Variants in PPP4R1 observed in about 807,000 individuals in gnomAD.
PPP4R1 encodes serine/threonine-protein phosphatase 4 regulatory subunit 1.
In PPP4R1, 42 loss-of-function variants were observed where a neutral mutation model predicts 111.2. The observed-to-expected ratio is 0.38, with a 90% CI of 0.29 to 0.49. The LOEUF (loss-of-function observed/expected upper bound fraction) is 0.49, where lower values mean the gene tolerates loss of function less well. Among genes scored for constraint, PPP4R1 ranks in the 20% least tolerant of loss-of-function variants. The pLI, the probability that PPP4R1 is intolerant of heterozygous loss-of-function variation, is 0.97. For synonymous variants in PPP4R1, 409 were observed against 405.5 expected (o/e 1.01, Z -0.10); for missense variants, 1,012 against 1,161.6 (o/e 0.87, Z 1.87).
Position 9,547,725 on chromosome 18 carries a change from G to A in PPP4R1, c.*64C>T, listed in dbSNP as rs2066421630. ...CCGAAAGCTATCCCAGGTCACATGC[G>A]TGGCGAATGCCCACTGAACCTCGGC... On this transcript the variant is annotated 3_prime_UTR_variant, in exon 20 of 20. Transcript: ENST00000400556. 8.2e-6 allele frequency: 13 copies of A among 1,577,170 alleles called. No individual in the cohort carries two copies. The highest frequency in any genetic ancestry group is 5.6e-5 in the South Asian group (5 of 89,568).
intron 10 of PPP4R1, among the ~76,000 whole-genome samples, chr18:9,575,507 A>G (rs2066922621): frequency 6.6e-6 from 1 of 152,244 alleles, no homozygotes; most frequent in African/African-American, 2.4e-5. Context: ...TTCCCCTACC[A>G]TATCATTAAC....
intron 6 of PPP4R1, among the ~76,000 whole-genome samples, chr18:9,585,239 A>G (rs1382743043): frequency 1.3e-5 from 2 of 152,170 alleles, no homozygotes; most frequent in Non-Finnish European, 2.9e-5. Context: ...TATCCCCAGG[A>G]AAGATCTAGA....
chr18:9,615,872 G>A (rs997642101), upstream of PPP4R1, among the ~76,000 whole-genome samples: 3 of 152,192 alleles, frequency 2.0e-5, no homozygotes, highest in South Asian at 2.1e-4. Context: ...TCCTAAATCT[G>A]TGTAATAAAA....
chr18:9,570,932 G>A (rs1381854525), intron 10 of PPP4R1, among the ~76,000 whole-genome samples: 1 of 151,848 alleles, frequency 6.6e-6, no homozygotes, highest in African/African-American at 2.4e-5. Context: ...AGTTAGAGAA[G>A]GTAACATTTA....
chr18:9,609,207 C>T (rs2067536028), intron 2 of PPP4R1, among the ~76,000 whole-genome samples: 1 of 152,172 alleles, frequency 6.6e-6, no homozygotes, highest in Non-Finnish European at 1.5e-5. Context: ...ATCTCTCCAT[C>T]CAGGCTTGTT....
intron 2 of PPP4R1, among the ~76,000 whole-genome samples, chr18:9,612,946 C>T (rs908338839): frequency 1.3e-5 from 2 of 152,054 alleles, no homozygotes; most frequent in Non-Finnish European, 2.9e-5. Flanking sequence ...ATAGTAAATC[C>T]CCCTTACTTT....
intron 2 of PPP4R1, among the ~76,000 whole-genome samples, chr18:9,600,467 T>A (rs2067363138): frequency 6.6e-6 from 1 of 152,104 alleles, no homozygotes; most frequent in Admixed American, 6.6e-5. Context: ...GCAAAGATTA[T>A]CAGACTATCA....
At chr18:9,588,325 C>A in intron 5 of PPP4R1, 90 bp from the exon 6 acceptor site, 1 of 1,367,808 alleles carries the variant, frequency 7.3e-7, no homozygotes, top group South Asian at 1.4e-5. Flanking sequence ...TTTCTCATCT[C>A]AAAGGGACCC....
chr18:9,595,233 C>T, intron 2 of PPP4R1, 80 bp from the exon 3 acceptor site: 3 of 1,425,414 alleles, frequency 2.1e-6, no homozygotes, highest in Non-Finnish European at 2.8e-6. Flanking sequence ...CAGTACAAAT[C>T]TGTTTCTGGA....
At chr18:9,555,903 A>G (rs201957757) in intron 15 of PPP4R1, among the ~76,000 whole-genome samples, 65 of 152,084 alleles carry the variant, frequency 4.3e-4, no homozygotes, top group Middle Eastern at 3.4e-3. Flanking sequence ...TTGGGAGGCC[A>G]AGGTGGGCGG....
intron 2 of PPP4R1, among the ~76,000 whole-genome samples, chr18:9,606,177 C>A (rs7240960): frequency 2.0e-5 from 3 of 151,992 alleles, no homozygotes; most frequent in Non-Finnish European, 4.4e-5. Flanking sequence ...ACATTAAGCA[C>A]TGATGAGATG....
At position 9,614,201 on chromosome 18, in the gene PPP4R1, GC is replaced by G; in HGVS notation, c.52+24del. On this transcript the variant is annotated intron_variant, in intron 2 of 19. Coordinates refer to ENST00000400556, the MANE Select transcript of PPP4R1 (RefSeq NM_001042388.3). This position sits in a 1 kb window ranked among gnomAD's most constrained non-coding sequence, Gnocchi z 4.1. ...CCGGCCGCTCCCCGCGGACTGCCAG[GC>G]CACCGCGAGGCCGGGCCACTCACAT... 1 of 1,349,336 alleles carries G rather than the reference GC, an allele frequency of 7.4e-7. No individual in the cohort carries two copies. Among genetic ancestry groups the G allele is most frequent in the South Asian group, 1.7e-5 (1 of 59,052 alleles). The allele number at this position is 1,349,336 out of a possible 1,614,324, so 83.6% of individuals were successfully genotyped here.
intron 2 of PPP4R1, among the ~76,000 whole-genome samples, chr18:9,602,591 G>A (rs2067407780): frequency 6.7e-6 from 1 of 150,070 alleles, no homozygotes; most frequent in Non-Finnish European, 1.5e-5. Context: ...CATGCGCAGT[G>A]ACTCACACCT....
chr18:9,559,100 G>GA (rs1203598210), intron 14 of PPP4R1, among the ~76,000 whole-genome samples: 2 of 152,092 alleles, frequency 1.3e-5, no homozygotes, highest in Non-Finnish European at 2.9e-5. Flanking sequence ...ATTTCTAGGT[G>GA]AAAAATTAAA....
chr18:9,582,310 C>A (rs1343591833), intron 9 of PPP4R1, among the ~76,000 whole-genome samples: 1 of 136,858 alleles, frequency 7.3e-6, no homozygotes, highest in Non-Finnish European at 1.6e-5. Context: ...GAAACAGAGA[C>A]AAGACTCAAA....
intron 14 of PPP4R1, among the ~76,000 whole-genome samples, 183 bp downstream of exon 14, chr18:9,559,236 T>C (rs1424660755): frequency 6.6e-6 from 1 of 152,194 alleles, no homozygotes; most frequent in Non-Finnish European, 1.5e-5. Context: ...AGAAGCCAAA[T>C]TGTGGGACTC....
chr18:9,549,897 C>T (rs141017753), intron 18 of PPP4R1, 155 bp downstream of exon 18: 5 of 1,171,402 alleles, frequency 4.3e-6, no homozygotes, highest in Middle Eastern at 5.2e-4. Flanking sequence ...ACCAGATGCC[C>T]AACAATGGGG....
chr18:9,577,651 A>G (rs2066959225), intron 9 of PPP4R1, among the ~76,000 whole-genome samples: 1 of 152,122 alleles, frequency 6.6e-6, no homozygotes, highest in Non-Finnish European at 1.5e-5. Context: ...TGGGTGACAG[A>G]GCAAGACTGT....
chr18:9,599,068 A>T (rs1173577196), intron 2 of PPP4R1, among the ~76,000 whole-genome samples: 1 of 152,158 alleles, frequency 6.6e-6, no homozygotes, highest in African/African-American at 2.4e-5. Context: ...ATATGGGATA[A>T]ATAAAAAATT....
Sources: allele counts gnomAD v4.1 joint callset (sites outside exome capture counted in the v4.1 genomes callset), GRCh38; gene constraint gnomAD v4.1.1; non-coding constraint Gnocchi (gnomAD v3.1); transcripts MANE v1.5; gene names NCBI Gene and HGNC (gene_info 2026-07-23, HGNC 2026-07-21).